ZFYVE26: variants seen among roughly 807,000 people sequenced by gnomAD.
ZFYVE26 encodes the protein zinc finger FYVE domain-containing protein 26.
In ZFYVE26, 181 loss-of-function variants were observed where a neutral mutation model predicts 276.5. The ratio of observed to expected loss-of-function variants is 0.65; its 90% confidence interval spans 0.58 to 0.74. The LOEUF is 0.74. ZFYVE26 is among the 30% of genes least tolerant of loss of function. ZFYVE26 has a pLI of 0.00. For missense variants in ZFYVE26, 2,821 were observed against 3,097.9 expected (o/e 0.91, Z 2.12); for synonymous variants, 1,129 against 1,203.1 (o/e 0.94, Z 1.27).
intron 22 of ZFYVE26, 78 bp downstream of exon 22, chr14:67,781,255 C>T: frequency 9.1e-6 from 14 of 1,532,218 alleles, no homozygotes; most frequent in Non-Finnish European, 1.3e-5. Flanking sequence ...TCTTAAAGTC[C>T]CCCATCATAT....
At chr14:67,809,880 G>A (rs1023955274) in intron 3 of ZFYVE26, among the ~76,000 whole-genome samples, 3 of 148,948 alleles carry the variant, frequency 2.0e-5, no homozygotes, top group African/African-American at 7.5e-5. Flanking sequence ...CGCCTCCTGG[G>A]TTCAAGCGAT....
intron 6 of ZFYVE26, 149 bp from the exon 7 acceptor site, chr14:67,805,767 G>A: frequency 1.1e-6 from 1 of 944,432 alleles, no homozygotes; most frequent in East Asian, 2.7e-5. Context: ...AGTGGCTCAT[G>A]CCTGTAATCC....
chr14:67,799,768 C>T (rs1443058595), intron 10 of ZFYVE26, among the ~76,000 whole-genome samples: 1 of 152,222 alleles, frequency 6.6e-6, no homozygotes, highest in Non-Finnish European at 1.5e-5. Flanking sequence ...ATCTCTCAAC[C>T]TGATCTTAGC....
chr14:67,754,243 T>C (rs893957568), intron 37 of ZFYVE26, 31 bp from the exon 38 acceptor site: 1 of 1,613,830 alleles, frequency 6.2e-7, no homozygotes, highest in African/African-American at 1.3e-5. Context: ...CAGTCCAGCC[T>C]CATGAGGGGC....
Position 67,746,927 on chromosome 14 carries a change from CCTCT to C in ZFYVE26, c.*1505_*1508del, listed in dbSNP as rs1172774757. The C allele has an allele frequency of 3.1e-4, 48 of 152,740 alleles. No homozygotes were observed. The highest frequency in any genetic ancestry group is 3.4e-4 in the Non-Finnish European group (23 of 68,038). 9.5% of individuals were successfully genotyped at this position (152,740 alleles called of 1,614,324 possible). The stretch of plus-strand genomic sequence containing the variant: ...CTAGTAGTTTCATTACAGTCTTTCT[CCTCT>C]CTAACAGGACCAAAACTTCTCATCT... On this transcript the variant is annotated 3_prime_UTR_variant, in exon 42 of 42. Transcript: ENST00000347230.
rs574056783 is a variant in ZFYVE26 at position 67,762,155 on chromosome 14, C to T, written c.6369+48G>A. 1.5e-4 allele frequency: 244 copies of T among 1,588,170 alleles called. 1 individual carries two copies. The South Asian group carries it at 2.6e-3, about 17-fold the overall frequency. ...ATTCTTTTCCCAGGTCATTGCTATT[C>T]CTGGGTCTCCCTCCCTGAGCCAGGC... On this transcript the variant is annotated intron_variant, in intron 34 of 41. Coordinates refer to ENST00000347230, the MANE Select transcript of ZFYVE26 (RefSeq NM_015346.4).
intron 35 of ZFYVE26, among the ~76,000 whole-genome samples, chr14:67,757,999 G>A (rs1349890941): frequency 6.6e-6 from 1 of 152,212 alleles, no homozygotes; most frequent in African/African-American, 2.4e-5. Flanking sequence ...ACAGAAACGA[G>A]CCACCCTGCC....
rs749108415 is a variant in ZFYVE26, at chr14:67,793,787, C to A, written c.2402-28G>T. The A allele has an allele frequency of 3.7e-6, 6 of 1,613,494 alleles. No homozygotes were observed. The South Asian group carries it at 6.6e-5, about 18-fold the overall frequency. On this transcript the variant is annotated intron_variant, in intron 13 of 41. Coordinates refer to ENST00000347230, the MANE Select transcript of ZFYVE26 (RefSeq NM_015346.4). ...GTTGGGACACAAGAATGTGTGGGGCCAGAGAAGCAAGAGGAATTAAGGAAA... is the reference window on the plus strand; with the variant it reads ...GTTGGGACACAAGAATGTGTGGGGCAAGAGAAGCAAGAGGAATTAAGGAAA...
exon 14 of ZFYVE26, chr14:67,729,436 C>T: frequency 6.5e-7 from 1 of 1,532,980 alleles, no homozygotes; most frequent in Non-Finnish European, 8.9e-7. Flanking sequence ...AGGTGCCGGA[C>T]TCGCTGGGCT....
intron 22 of ZFYVE26, among the ~76,000 whole-genome samples, chr14:67,780,786 C>T (rs1414260234): frequency 6.6e-6 from 1 of 152,178 alleles, no homozygotes; most frequent in Non-Finnish European, 1.5e-5. Flanking sequence ...TTTCACTACC[C>T]CTGGTAGGGT....
chr14:67,769,417 T>C (rs1315017590), intron 29 of ZFYVE26, among the ~76,000 whole-genome samples, 177 bp downstream of exon 29: 2 of 152,330 alleles, frequency 1.3e-5, no homozygotes, highest in South Asian at 4.1e-4. Flanking sequence ...CTCTTAGTGG[T>C]TTCTCTGACC....
exon 14 of ZFYVE26, chr14:67,729,291 C>A: frequency 6.2e-7 from 1 of 1,604,320 alleles, no homozygotes; most frequent in Non-Finnish European, 8.5e-7. Context: ...TCTTCTCCCC[C>A]TTTGTCAAGA....
intron 13 of ZFYVE26, chr14:67,735,250 C>T: frequency 7.8e-7 from 1 of 1,274,090 alleles, no homozygotes; most frequent in Non-Finnish European, 1.1e-6. Context: ...GACACAGCCT[C>T]CCTCAGCACT....
At chr14:67,780,530 G>T (rs969317932) in intron 22 of ZFYVE26, among the ~76,000 whole-genome samples, 185 bp from the exon 23 acceptor site, 1 of 152,172 alleles carries the variant, frequency 6.6e-6, no homozygotes, top group Non-Finnish European at 1.5e-5. Flanking sequence ...ACCTATCCAG[G>T]AAGAACAAGC....
chr14:67,749,599 G>A (rs1025243163), intron 41 of ZFYVE26, among the ~76,000 whole-genome samples: 3 of 152,090 alleles, frequency 2.0e-5, no homozygotes, highest in African/African-American at 7.2e-5. Context: ...GAGGGGACTC[G>A]CCTTGCTTCC....
At chr14:67,805,167 G>A in intron 8 of ZFYVE26, 50 bp downstream of exon 8, 1 of 1,571,916 alleles carries the variant, frequency 6.4e-7, no homozygotes, top group Non-Finnish European at 8.7e-7. Flanking sequence ...GCGGAGCACA[G>A]GGTCAGCTGT....
chr14:67,761,087 C>T (rs2038916107), intron 35 of ZFYVE26: 7 of 628,526 alleles, frequency 1.1e-5, no homozygotes, highest in African/African-American at 3.6e-5. Flanking sequence ...CAGAGACATG[C>T]TCTTAACCAC....
At chr14:67,811,999 AG>A (rs2040312821) in intron 3 of ZFYVE26, among the ~76,000 whole-genome samples, 1 of 150,782 alleles carries the variant, frequency 6.6e-6, no homozygotes, top group Non-Finnish European at 1.5e-5. Context: ...TTCTCACTGA[AG>A]GAGAACAATT....
At position 67,746,642 on chromosome 14, in the gene ZFYVE26, A is replaced by G. The variant is rs540998421; in HGVS notation, c.*1794T>C. ...TACAGCGTGGTGTTCAAAGGCTTTT[A>G]GCCTCATCTCATATCAGTCTAGTCA... On this transcript the variant is annotated 3_prime_UTR_variant, in exon 42 of 42. Transcript: ENST00000347230. The G allele has an allele frequency of 6.6e-6, 1 of 152,338 alleles. No homozygotes were observed. Among genetic ancestry groups the G allele is most frequent in the African/African-American group, 2.4e-5 (1 of 41,452 alleles). 9.4% of individuals were successfully genotyped at this position (152,338 alleles called of 1,614,324 possible). A position where few individuals can be genotyped will look rare whatever the true frequency, so the allele number is the denominator to read the frequency against.
Sources: allele counts gnomAD v4.1 joint callset (sites outside exome capture counted in the v4.1 genomes callset), GRCh38; gene constraint gnomAD v4.1.1; transcripts MANE v1.5; gene names NCBI Gene and HGNC (gene_info 2026-07-23, HGNC 2026-07-21).